Variants in SEC16B observed in about 807,000 individuals in gnomAD.
SEC16B encodes the protein SEC16 homolog B, endoplasmic reticulum export factor, also known as protein transport protein Sec16B.
A neutral mutation model predicts 141.8 loss-of-function variants in SEC16B; 115 were observed. The observed-to-expected ratio is 0.81, with a 90% CI of 0.70 to 0.95. The LOEUF is 0.95. SEC16B is among the 40% of genes least tolerant of loss of function. SEC16B has a pLI of 0.00. For synonymous variants in SEC16B, 493 were observed against 492.5 expected (o/e 1.00, Z -0.01); for missense variants, 1,291 against 1,312.3 (o/e 0.98, Z 0.25).
rs866376227 is a variant in SEC16B at position 177,955,919 on chromosome 1, T to G, written c.1366-1543A>C. On this transcript the variant is annotated intron_variant, in intron 10 of 25. Transcript: ENST00000308284. ...TGCAAAAGATTGGAAGTACTCTTAA[T>G]GTCAAGCTATAGGGGGTTTAGTTAA... Among the ~76,000 whole-genome samples the G allele has an allele frequency of 1.4e-4, 22 of 152,370 alleles. 1 individual carries two copies. The highest frequency in any genetic ancestry group is 1.0e-3 in the South Asian group (5 of 4,832).
At chr1:177,953,826 A>C (rs1652388172) in intron 11 of SEC16B, among the ~76,000 whole-genome samples, 1 of 151,992 alleles carries the variant, frequency 6.6e-6, no homozygotes, top group Admixed American at 6.5e-5. Context: ...TCCTTTTCCT[A>C]CCACAGCTCA....
intron 8 of SEC16B, chr1:177,959,660 A>G (rs897597920): frequency 1.9e-5 from 3 of 154,750 alleles, no homozygotes; most frequent in African/African-American, 7.2e-5. Flanking sequence ...CTTGAGACTC[A>G]TAGACAAGCC....
At chr1:177,933,659 C>A in intron 20 of SEC16B, 23 bp from the exon 21 acceptor site, 1 of 1,613,020 alleles carries the variant, frequency 6.2e-7, no homozygotes, top group Non-Finnish European at 8.5e-7. Flanking sequence ...AAATAACTCA[C>A]ATTTGCATGG....
chr1:177,965,155 C>A lies in SEC16B; in HGVS notation c.425G>T (p.Arg142Leu), dbSNP rs745630073. The A allele has an allele frequency of 3.7e-6, 6 of 1,613,328 alleles. No homozygotes were observed. In the Admixed American group the frequency reaches 6.7e-5, roughly 18 times the overall value. The change falls in exon 4 of 26, where the codon CGG (arginine) becomes CTG (leucine). Residue 142 changes from arginine to leucine, a missense_variant. Physicochemically the swap from Arg to Leu is moderately radical, Grantham distance 102 (BLOSUM62 -2). Around this residue, in one of 3 missense-constraint regions of SEC16B, gnomAD observed 681 missense variants for 675.5 expected, o/e 1.01. Coordinates refer to ENST00000308284, the MANE Select transcript of SEC16B (RefSeq NM_033127.4). ...WLQEERVPRQ[R>L]SPYIWHEDYR... ...ATCTTCGTGCCAGATATAAGGACTC[C>A]GTTGCCTTGGCACTGCACCCTCAGA...
At chr1:177,947,602 C>A (rs1474244066) in intron 13 of SEC16B, among the ~76,000 whole-genome samples, 1 of 151,710 alleles carries the variant, frequency 6.6e-6, no homozygotes, top group Non-Finnish European at 1.5e-5. Context: ...AACATGGAGG[C>A]TCCTGGGTCC....
chr1:177,929,983 C>A lies in SEC16B; in HGVS notation c.3112-54G>T. On this transcript the variant is annotated intron_variant, in intron 25 of 25. Transcript: ENST00000308284. ...AGTACAGCCCCAAACATGACTCTGC[C>A]CGGGGTTGATTGGACAGATGGAGCT... is the stretch of plus-strand genomic sequence containing the variant. 1.9e-6 allele frequency: 3 copies of A among 1,581,570 alleles called. No individual in the cohort carries two copies. The South Asian group carries it at 3.4e-5, about 18-fold the overall frequency.
At chr1:177,933,992 C>CCT (rs1228715379) in intron 20 of SEC16B, among the ~76,000 whole-genome samples, 110 of 150,702 alleles carry the variant, frequency 7.3e-4, no homozygotes, top group African/African-American at 2.6e-3. Flanking sequence ...CACAAGCTCC[C>CCT]CCCAAAAAAA....
chr1:177,975,501 G>C (rs559769328), intron 1 of SEC16B, among the ~76,000 whole-genome samples: 1 of 151,996 alleles, frequency 6.6e-6, no homozygotes, highest in Non-Finnish European at 1.5e-5. Flanking sequence ...TGCTGTGTGG[G>C]ATATAAATGA....
chr1:177,967,693 A>G lies in SEC16B; in HGVS notation c.289T>C (p.Leu97=). The change falls in exon 2 of 26, where the codon TTG becomes CTG. Residue 97 remains leucine, a synonymous_variant. Coordinates refer to ENST00000308284, the MANE Select transcript of SEC16B (RefSeq NM_033127.4). The part of the protein sequence containing the change: ...DYYEGGYRNQ[L]YSRPGYENSY... ...GCCCTAAAGCCATACCTTGAATACA[A>G]CTGATTGCGATAACCACCTTCGTAA... 1 of 1,599,518 alleles carries G rather than the reference A, an allele frequency of 6.3e-7. No individual in the cohort carries two copies. Among genetic ancestry groups the G allele is most frequent in the Non-Finnish European group, 8.5e-7 (1 of 1,170,252 alleles).
Position 177,941,921 on chromosome 1 carries a change from C to T in SEC16B, c.2001G>A (p.Val667=). 1 of 1,613,998 alleles carries T rather than the reference C, an allele frequency of 6.2e-7. No homozygotes were observed. The highest frequency in any genetic ancestry group is 8.5e-7 in the Non-Finnish European group (1 of 1,179,872). Residue 667 remains valine (V), a synonymous_variant, in exon 16 of 26, where the codon GTG becomes GTA. Transcript: ENST00000308284. The part of the protein sequence containing the change: ...VLSQGESSHP[V]LLVELIKLAE... ...TCACCTTGATGAGTTCCACTAATAG[C>T]ACAGGGTGACTGCTCTCTCCCTGGC...
chr1:177,948,464 G>A (rs1008118651), intron 12 of SEC16B: 13 of 1,303,390 alleles, frequency 1.0e-5, no homozygotes, highest in Non-Finnish European at 1.3e-5. Flanking sequence ...ACCCTATGAA[G>A]TCTAGTTCCT....
chr1:177,935,279 C>T (rs781065885), intron 20 of SEC16B, among the ~76,000 whole-genome samples: 3 of 147,314 alleles, frequency 2.0e-5, no homozygotes, highest in Admixed American at 6.6e-5. Flanking sequence ...GCCTCCCCAG[C>T]CCCTGTGACA....
upstream of SEC16B, among the ~76,000 whole-genome samples, chr1:177,973,907 C>CT (rs1443968891): frequency 2.0e-5 from 3 of 152,086 alleles, no homozygotes; most frequent in Non-Finnish European, 4.4e-5. Flanking sequence ...GGTAGGTGTG[C>CT]TGTTCAAGGC....
chr1:177,967,796 G>A lies in SEC16B; in HGVS notation c.186C>T (p.Pro62=), dbSNP rs371686934. ...GGGGCTGCTGCTGATGGTCTGCCCT[G>A]GGCTCCTGCTGTGGCTGGGGGCTCC... The part of the protein sequence containing the change: ...NRGSPQPQQE[P]RADHQQQPHY... Residue 62 remains proline, a synonymous_variant, in exon 2 of 26, where the codon CCC becomes CCT. Coordinates refer to ENST00000308284, the MANE Select transcript of SEC16B (RefSeq NM_033127.4). 2.2e-4 allele frequency: 354 copies of A among 1,613,866 alleles called. 1 individual carries two copies. The highest frequency in any genetic ancestry group is 2.5e-4 in the Non-Finnish European group (290 of 1,179,900).
intron 10 of SEC16B, among the ~76,000 whole-genome samples, chr1:177,956,127 A>AT (rs201296521): frequency 6.6e-6 from 1 of 152,100 alleles, no homozygotes; most frequent in East Asian, 1.9e-4. Context: ...ATTGGAAAAA[A>AT]TTTTTTTTTA....
At chr1:177,968,301 T>C (rs569853055) in intron 1 of SEC16B, among the ~76,000 whole-genome samples, 1 of 152,284 alleles carries the variant, frequency 6.6e-6, no homozygotes, top group Non-Finnish European at 1.5e-5. Context: ...GGGAGACAGA[T>C]AACAATAATA....
intron 1 of SEC16B, among the ~76,000 whole-genome samples, chr1:177,969,018 A>C (rs911743292): frequency 8.5e-5 from 13 of 152,190 alleles, no homozygotes; most frequent in Non-Finnish European, 5.9e-5. Context: ...TTGCACCCAC[A>C]AAAGGAAAGC....
chr1:177,953,708 C>G (rs1344291820), intron 11 of SEC16B, among the ~76,000 whole-genome samples: 1 of 152,204 alleles, frequency 6.6e-6, no homozygotes, highest in Admixed American at 6.5e-5. Flanking sequence ...CGCTGGCACC[C>G]AGATCACAGT....
intron 11 of SEC16B, among the ~76,000 whole-genome samples, chr1:177,952,751 A>C (rs1164642541): frequency 6.6e-6 from 1 of 152,196 alleles, no homozygotes; most frequent in Non-Finnish European, 1.5e-5. Context: ...CCAAAGGAAA[A>C]TCATCCTCAG....
Sources: gnomAD v4.1 joint callset for allele counts (sites outside exome capture counted in the v4.1 genomes callset) on GRCh38, gnomAD v4.1.1 for gene constraint, gnomAD v4.1.1 regional missense constraint, MANE v1.5 for transcripts, NCBI Gene and HGNC (gene_info 2026-07-23, HGNC 2026-07-21) for gene names.